PIR: variants seen among roughly 807,000 people sequenced by gnomAD.
PIR encodes pirin.
PIR carries 22 observed loss-of-function variants against 24.2 expected under a neutral mutation model. The observed-to-expected ratio is 0.91, with a 90% CI of 0.65 to 1.30. The LOEUF is 1.30. Among genes scored for constraint, PIR ranks in the 50% most tolerant of loss-of-function variants. PIR has a pLI of 0.00. For missense variants in PIR, 220 were observed against 220.3 expected (o/e 1.00, Z 0.01); for synonymous variants, 80 against 79.6 (o/e 1.00, Z -0.03).
chrX:15,476,326 A>G (rs1922190077), intron 3 of PIR, among the ~76,000 whole-genome samples: 1 of 112,399 alleles, frequency 8.9e-6, no homozygotes, highest in African/African-American at 3.2e-5. Context: ...TTTCATTTTT[A>G]TTAAAAAATA....
intron 7 of PIR, 124 bp downstream of exon 7, chrX:15,407,382 G>T: frequency 1.8e-6 from 1 of 548,335 alleles, no homozygotes; most frequent in Non-Finnish European, 3.2e-6. Context: ...TATAGAGAGG[G>T]CTAGTGTAGG....
chrX:15,461,823 T>A (rs1201193012), intron 3 of PIR, among the ~76,000 whole-genome samples: 3 of 111,971 alleles, frequency 2.7e-5, no homozygotes, highest in Non-Finnish European at 3.8e-5. Context: ...ACAAAAAAAA[T>A]TAAATAAAAT....
chrX:15,492,632 T>C (rs749063082), intron 1 of PIR, among the ~76,000 whole-genome samples: 42 of 112,045 alleles, frequency 3.7e-4, no homozygotes, highest in African/African-American at 1.4e-3. Context: ...ACATATCAGC[T>C]GTGTGACCTG....
chrX:15,439,305 G>A (rs749927930), intron 5 of PIR, among the ~76,000 whole-genome samples: 2 of 112,112 alleles, frequency 1.8e-5, no homozygotes, highest in African/African-American at 3.2e-5. Context: ...TCAAAGACTC[G>A]GTAACAAAAA....
At chrX:15,398,084 C>T (rs1924230750) in intron 7 of PIR, among the ~76,000 whole-genome samples, 1 of 85,504 alleles carries the variant, frequency 1.2e-5, no homozygotes, top group Non-Finnish European at 2.5e-5. Flanking sequence ...CTATTGAACT[C>T]TGAATAAGAC....
chrX:15,399,244 G>T (rs1462744629), intron 7 of PIR, among the ~76,000 whole-genome samples: 1 of 112,530 alleles, frequency 8.9e-6, no homozygotes, highest in Non-Finnish European at 1.9e-5. Flanking sequence ...TAATCAATAA[G>T]GAAATGCTTA....
At chrX:15,447,128 A>G (rs1926130335) in intron 5 of PIR, among the ~76,000 whole-genome samples, 1 of 112,149 alleles carries the variant, frequency 8.9e-6, no homozygotes. Flanking sequence ...AGTAATCAGA[A>G]TTTTATCTGA....
chrX:15,425,600 C>T (rs1278863885), intron 6 of PIR, among the ~76,000 whole-genome samples: 3 of 109,625 alleles, frequency 2.7e-5, no homozygotes, highest in Non-Finnish European at 5.7e-5. Flanking sequence ...TTAGTAGAGA[C>T]GGGGTTTCAC....
chrX:15,400,420 AG>A (rs1408177746), intron 7 of PIR, among the ~76,000 whole-genome samples: 1 of 111,982 alleles, frequency 8.9e-6, no homozygotes, highest in Non-Finnish European at 1.9e-5. Context: ...TTTGTCATGT[AG>A]GATGTTTCGT....
chrX:15,431,260 T>C (rs1925496418), intron 5 of PIR, among the ~76,000 whole-genome samples: 1 of 111,983 alleles, frequency 8.9e-6, no homozygotes, highest in African/African-American at 3.2e-5. Flanking sequence ...TTGGACATTG[T>C]GTTTTATGGG....
At chrX:15,430,388 T>G (rs1016842678) in intron 5 of PIR, among the ~76,000 whole-genome samples, 21 of 112,100 alleles carry the variant, frequency 1.9e-4, no homozygotes, top group Non-Finnish European at 2.1e-4. Context: ...CCTAATGGCT[T>G]AAAATATTAT....
rs199746564 is a variant in PIR at position 15,427,719 on chromosome X, C to CAT, written c.481-1731_481-1730dup. Among the ~76,000 whole-genome samples, 102 of 108,555 alleles carry CAT rather than the reference C, an allele frequency of 9.4e-4. No individual in the cohort carries two copies. In the East Asian group the frequency reaches 0.026, roughly 28 times the overall value. The allele number at this position is 108,555 out of a possible 115,157, so 94.3% of individuals were successfully genotyped here. On this transcript the variant is annotated intron_variant, in intron 5 of 9. Coordinates refer to ENST00000380420, the MANE Select transcript of PIR (RefSeq NM_001018109.3). ...ACACACACACACACACACACACACA[C>CAT]ATATATATACCGTCAATAACTGTAT...
chrX:15,419,378 T>A (rs964105090), intron 6 of PIR, among the ~76,000 whole-genome samples: 1 of 106,124 alleles, frequency 9.4e-6, no homozygotes, highest in Non-Finnish European at 1.9e-5. Flanking sequence ...TGTGTGTGTG[T>A]GTGTGTGTGT....
intron 2 of PIR, among the ~76,000 whole-genome samples, chrX:15,490,259 GC>G (rs1175625699): frequency 9.0e-6 from 1 of 111,048 alleles, no homozygotes. Context: ...ATTGAGGAAG[GC>G]CAGGAGTTTT....
intron 2 of PIR, among the ~76,000 whole-genome samples, chrX:15,484,858 G>A (rs1254114949): frequency 6.2e-5 from 7 of 112,152 alleles, no homozygotes; most frequent in African/African-American, 9.7e-5. Flanking sequence ...TACACAAAGC[G>A]TTGAGAGACC....
At chrX:15,417,241 C>CA (rs1569197831) in intron 6 of PIR, among the ~76,000 whole-genome samples, 20 of 328 alleles carry the variant, frequency 0.061, no homozygotes, top group South Asian at 0.25. Context: ...TGAGCCGCAG[C>CA]GCCAGCTCCG....
chrX:15,394,473 T>C (rs1282276856), intron 8 of PIR, among the ~76,000 whole-genome samples: 1 of 112,160 alleles, frequency 8.9e-6, no homozygotes, highest in Admixed American at 9.5e-5. Flanking sequence ...ATGGCTTTGA[T>C]GACAGCCAGT....
intron 1 of PIR, among the ~76,000 whole-genome samples, chrX:15,491,667 G>A (rs1923172181): frequency 2.7e-5 from 3 of 111,903 alleles, no homozygotes; most frequent in Non-Finnish European, 3.8e-5. Flanking sequence ...AGTCCCATAA[G>A]ACTATAATGC....
intron 5 of PIR, among the ~76,000 whole-genome samples, chrX:15,428,012 G>T (rs755432788): frequency 8.9e-5 from 10 of 111,733 alleles, no homozygotes; most frequent in Non-Finnish European, 1.7e-4. Context: ...ACTATCAAAA[G>T]ATTTTTTTCC....
Sources: allele counts gnomAD v4.1 joint callset (sites outside exome capture counted in the v4.1 genomes callset), GRCh38; gene constraint gnomAD v4.1.1; transcripts MANE v1.5; gene names NCBI Gene and HGNC (gene_info 2026-07-23, HGNC 2026-07-21).